The following TMEM11 variants were observed in gnomAD, a reference collection of about 807,000 sequenced individuals.
TMEM11 encodes the protein transmembrane protein 11.
A neutral mutation model predicts 17.0 loss-of-function variants in TMEM11; 1 was observed. The ratio of observed to expected loss-of-function variants is 0.06; its 90% CI spans 0.02 to 0.28. The LOEUF (loss-of-function observed/expected upper bound fraction) is 0.28. Ranked by LOEUF, TMEM11 falls within the 10% of genes least tolerant of loss-of-function variation. The pLI, the probability that TMEM11 is intolerant of heterozygous loss-of-function variation, is 1.00. For synonymous variants in TMEM11, 122 were observed against 118.1 expected, an observed-to-expected ratio of 1.03 and a Z score of -0.21; for missense variants, 172 against 252.9, an observed-to-expected ratio of 0.68 and a Z score of 2.17.
At chr17:21,199,071 T>C (rs532622570) in intron 1 of TMEM11, among the ~76,000 whole-genome samples, 7 of 151,262 alleles carry the variant, frequency 4.6e-5, no homozygotes, top group South Asian at 2.1e-4. Context: ...CCTGTAATCC[T>C]AGCACTTTGG....
At chr17:21,206,526 T>C (rs1974944553) in intron 1 of TMEM11, among the ~76,000 whole-genome samples, 1 of 151,912 alleles carries the variant, frequency 6.6e-6, no homozygotes. Flanking sequence ...CTCATTTTCT[T>C]TATTTTTATT....
intron 1 of TMEM11, among the ~76,000 whole-genome samples, chr17:21,204,238 A>G (rs1974917260): frequency 6.6e-6 from 1 of 151,640 alleles, no homozygotes; most frequent in Admixed American, 6.6e-5. Context: ...GTTCGAGACC[A>G]GCCTGGCTAA....
intron 1 of TMEM11, among the ~76,000 whole-genome samples, chr17:21,211,790 A>T (rs1975005706): frequency 1.3e-5 from 2 of 152,358 alleles, no homozygotes; most frequent in South Asian, 4.1e-4. Context: ...AGCAGATGCT[A>T]ACCAGGTGTG....
Position 21,205,849 on chromosome 17 carries a change from T to C in TMEM11, c.63-7009A>G, listed in dbSNP as rs1394410120. 2.6e-5 allele frequency among the ~76,000 whole-genome samples: 4 copies of C among 152,096 alleles called. 1 individual carries two copies. The highest frequency in any genetic ancestry group is 5.9e-5 in the Non-Finnish European group (4 of 67,996). Reference sequence around the variant, plus strand: ...TTATTCCACAGAGCATAACGAGTCTTCAAGGTTCATCCATATTGTAGCATG... The same window carrying C: ...TTATTCCACAGAGCATAACGAGTCTCCAAGGTTCATCCATATTGTAGCATG... On this transcript the variant is annotated intron_variant, in intron 1 of 1. Transcript: ENST00000317635.
At chr17:21,213,097 T>C (rs1323226868) in intron 1 of TMEM11, 1 of 152,210 alleles carries the variant, frequency 6.6e-6, no homozygotes, top group Non-Finnish European at 1.5e-5. Context: ...AGAAAAGGAA[T>C]AATGCAGAGT....
intron 1 of TMEM11, among the ~76,000 whole-genome samples, chr17:21,199,328 G>GAAAAAAAAAA (rs58031189): frequency 0.056 from 4,327 of 77,944 alleles, 482 homozygotes; most frequent in African/African-American, 0.12. Flanking sequence ...CTCAGTCTCA[G>GAAAAAAAAAA]AAAAAAAAAA....
At chr17:21,209,970 A>AG (rs1171736044) in intron 1 of TMEM11, among the ~76,000 whole-genome samples, 2 of 152,178 alleles carry the variant, frequency 1.3e-5, no homozygotes, top group Admixed American at 6.5e-5. Context: ...TGCTGGCACC[A>AG]GGGCGGAACA....
rs865949705 is a variant in TMEM11, at chr17:21,198,188, T to G, written c.*136A>C. On this transcript the variant is annotated 3_prime_UTR_variant, in exon 2 of 2. Transcript: ENST00000317635. The surrounding 1 kb of genome is among the most constrained non-coding windows in gnomAD (Gnocchi z 6.5). ...AAAAACCCTGGGTACACCCGTGATCTGTTATTTTTTAAAAATAACAAATAC... is the reference window on the plus strand; with the variant it reads ...AAAAACCCTGGGTACACCCGTGATCGGTTATTTTTTAAAAATAACAAATAC... 3 of 1,163,134 alleles carry G rather than the reference T, an allele frequency of 2.6e-6. No homozygotes were observed. The African/African-American group carries it at 4.6e-5, about 18-fold the overall frequency. 72.1% of individuals were successfully genotyped at this position (1,163,134 alleles called of 1,614,324 possible). A position where few individuals can be genotyped will look rare whatever the true frequency, so the allele number is the denominator to read the frequency against.
chr17:21,201,656 C>T (rs1331186603), intron 1 of TMEM11, among the ~76,000 whole-genome samples: 1 of 152,258 alleles, frequency 6.6e-6, no homozygotes. Context: ...GGTTCCTGCT[C>T]TGTCACCCAG....
rs577788148 is a variant in TMEM11 at position 21,201,996 on chromosome 17, C to T, written c.63-3156G>A. Among the ~76,000 whole-genome samples, 13 of 152,264 alleles carry T rather than the reference C, an allele frequency of 8.5e-5. No individual in the cohort carries two copies. The East Asian group carries it at 2.3e-3, about 27-fold the overall frequency. ...ACACCCAAAGCAGGGTCTTCACTGG[C>T]GCTGGAAAGCTGAAGGCCGAGCAGT... On this transcript the variant is annotated intron_variant, in intron 1 of 1. Coordinates refer to ENST00000317635, the MANE Select transcript of TMEM11 (RefSeq NM_003876.3).
At chr17:21,202,443 C>T (rs1297963372) in intron 1 of TMEM11, among the ~76,000 whole-genome samples, 2 of 152,198 alleles carry the variant, frequency 1.3e-5, no homozygotes, top group African/African-American at 4.8e-5. Context: ...AGCAGGCCAG[C>T]GCCATCCTGA....
intron 1 of TMEM11, chr17:21,211,278 T>C: frequency 1.3e-5 from 16 of 1,263,656 alleles, no homozygotes; most frequent in Non-Finnish European, 1.7e-5. Flanking sequence ...ACTACCATTT[T>C]GCTATTTCCA....
intron 1 of TMEM11, 102 bp downstream of exon 1, chr17:21,213,989 G>T: frequency 3.5e-6 from 4 of 1,145,766 alleles, no homozygotes; most frequent in Non-Finnish European, 4.9e-6. Flanking sequence ...GGGGAGCGCG[G>T]GGAAACCAGG....
At chr17:21,204,454 A>G (rs1197159308) in intron 1 of TMEM11, among the ~76,000 whole-genome samples, 19 of 151,628 alleles carry the variant, frequency 1.3e-4, no homozygotes, top group African/African-American at 4.3e-4. Context: ...AAAAAAAAAA[A>G]AAAAAGAGAA....
At chr17:21,213,881 G>A (rs1035144031) in intron 1 of TMEM11, 7 of 548,130 alleles carry the variant, frequency 1.3e-5, no homozygotes, top group East Asian at 6.7e-5. Flanking sequence ...CCCGGCTAAC[G>A]CCCCTTCCCC....
chr17:21,203,906 G>A (rs557464416), intron 1 of TMEM11, among the ~76,000 whole-genome samples: 2 of 149,954 alleles, frequency 1.3e-5, no homozygotes, highest in South Asian at 2.1e-4. Context: ...GTAAGGCCAT[G>A]GGCTTTAGGA....
At chr17:21,209,228 C>T (rs932701019) in intron 1 of TMEM11, among the ~76,000 whole-genome samples, 1 of 152,210 alleles carries the variant, frequency 6.6e-6, no homozygotes, top group Non-Finnish European at 1.5e-5. Flanking sequence ...AGGAACACGG[C>T]GCACCAAGTG....
chr17:21,208,955 A>G (rs560943891), intron 1 of TMEM11, among the ~76,000 whole-genome samples: 1 of 152,350 alleles, frequency 6.6e-6, no homozygotes, highest in South Asian at 2.1e-4. Context: ...TTGATCACCT[A>G]TGATACAGGA....
intron 1 of TMEM11, among the ~76,000 whole-genome samples, chr17:21,205,446 G>A (rs1191029147): frequency 6.6e-6 from 1 of 152,176 alleles, no homozygotes; most frequent in African/African-American, 2.4e-5. Context: ...GGGGCACAGG[G>A]TCTCCGCTGC....
Sources: allele counts gnomAD v4.1 joint callset (sites outside exome capture counted in the v4.1 genomes callset), GRCh38; gene constraint gnomAD v4.1.1; non-coding constraint Gnocchi (gnomAD v3.1); transcripts MANE v1.5; gene names NCBI Gene and HGNC (gene_info 2026-07-23, HGNC 2026-07-21).